The following DTNBP1 variants were observed in gnomAD, a reference collection of about 807,000 sequenced individuals.
DTNBP1 encodes dystrobrevin binding protein 1.
In DTNBP1, 35 loss-of-function variants were observed where a neutral mutation model predicts 42.8. The ratio of observed to expected loss-of-function variants is 0.82; its 90% CI spans 0.63 to 1.09. The LOEUF is 1.09. Ranked by LOEUF, DTNBP1 falls within the 50% of genes least tolerant of loss-of-function variation. The probability of loss-of-function intolerance (pLI) is 0.00; values close to 1 mark genes in which losing one functional copy is unlikely to be tolerated. For synonymous variants in DTNBP1, 171 were observed against 162.2 expected (o/e 1.05, Z -0.41); for missense variants, 457 against 424.2 (o/e 1.08, Z -0.68).
intron 3 of DTNBP1, among the ~76,000 whole-genome samples, chr6:15,640,118 T>C (rs1760257201): frequency 6.6e-6 from 1 of 152,324 alleles, no homozygotes; most frequent in East Asian, 1.9e-4. Flanking sequence ...TTTTACGACA[T>C]GAAGCAGTTT....
In DTNBP1 at chr6:15,533,323, C is replaced by CG; in HGVS notation, c.583dup (p.Arg195ProfsTer6). ...GAAGGCTTCCTCAAAAAACTTCTGC[C>CG]GCTCCTTCAGCTTCATTTGCTGGGT... On this transcript the variant is annotated frameshift_variant, in exon 8 of 10. Coordinates refer to ENST00000344537, the MANE Select transcript of DTNBP1 (RefSeq NM_032122.5). LOFTEE classifies it high-confidence loss of function. 1 of 1,614,196 alleles carries CG rather than the reference C, an allele frequency of 6.2e-7. No individual in the cohort carries two copies. Among genetic ancestry groups the CG allele is most frequent in the Non-Finnish European group, 8.5e-7 (1 of 1,180,046 alleles).
At chr6:15,595,240 T>C in intron 6 of DTNBP1, 1 of 423,404 alleles carries the variant, frequency 2.4e-6, no homozygotes, top group South Asian at 1.7e-5. Context: ...AAAAAATCAG[T>C]ATTATGCAAC....
chr6:15,602,241 A>C (rs913785959), intron 6 of DTNBP1, among the ~76,000 whole-genome samples: 1 of 152,114 alleles, frequency 6.6e-6, no homozygotes, highest in Non-Finnish European at 1.5e-5. Flanking sequence ...CATAGAAAAA[A>C]CGGGGCCAAC....
At chr6:15,646,489 C>T (rs554273504) in intron 3 of DTNBP1, among the ~76,000 whole-genome samples, 2 of 151,044 alleles carry the variant, frequency 1.3e-5, no homozygotes, top group Admixed American at 1.3e-4. Context: ...ATTACCAATG[C>T]CATTTTCCCC....
At chr6:15,593,795 C>T (rs927560748) in intron 6 of DTNBP1, among the ~76,000 whole-genome samples, 5 of 152,120 alleles carry the variant, frequency 3.3e-5, no homozygotes, top group African/African-American at 9.7e-5. Context: ...TCCTCATTAT[C>T]AGTACTAATG....
intron 6 of DTNBP1, among the ~76,000 whole-genome samples, chr6:15,609,299 T>G (rs1332449064): frequency 6.6e-6 from 1 of 152,022 alleles, no homozygotes. Flanking sequence ...TTCCCATATA[T>G]CTGAAGCTAC....
intron 1 of DTNBP1, chr6:15,660,289 C>A: frequency 8.2e-7 from 1 of 1,214,904 alleles, no homozygotes; most frequent in Non-Finnish European, 1.1e-6. Context: ...CTTTTCTCCT[C>A]AAGGCAAAAA....
rs538419324 is a variant in DTNBP1, at chr6:15,607,592, G to A, written c.488+7675C>T. Among the ~76,000 whole-genome samples, 6 of 152,230 alleles carry A rather than the reference G, an allele frequency of 3.9e-5. No individual in the cohort carries two copies. The South Asian group carries it at 6.2e-4, about 16-fold the overall frequency. ...CCTGGGATTATAGGTGTGAGCCACC[G>A]TGCCCAGCAAAACATTTCTTTACCA... is the stretch of plus-strand genomic sequence containing the variant. On this transcript the variant is annotated intron_variant, in intron 6 of 9. Coordinates refer to ENST00000344537, the MANE Select transcript of DTNBP1 (RefSeq NM_032122.5).
At chr6:15,650,229 G>GTGC (rs1760910048) in intron 3 of DTNBP1, among the ~76,000 whole-genome samples, 2 of 152,166 alleles carry the variant, frequency 1.3e-5, no homozygotes, top group Non-Finnish European at 2.9e-5. Flanking sequence ...ACATTAGTAA[G>GTGC]CACAGAAATA....
intron 7 of DTNBP1, among the ~76,000 whole-genome samples, chr6:15,573,864 G>A (rs1205388873): frequency 6.6e-6 from 1 of 151,984 alleles, no homozygotes; most frequent in Non-Finnish European, 1.5e-5. Context: ...CCACCACCAT[G>A]CCTGGCTAAT....
At chr6:15,648,285 A>T (rs1760797113) in intron 3 of DTNBP1, among the ~76,000 whole-genome samples, 1 of 152,098 alleles carries the variant, frequency 6.6e-6, no homozygotes. Context: ...CATTATACTC[A>T]ATGTTGAAAG....
At chr6:15,608,839 G>A (rs1006742753) in intron 6 of DTNBP1, among the ~76,000 whole-genome samples, 1 of 152,070 alleles carries the variant, frequency 6.6e-6, no homozygotes, top group African/African-American at 2.4e-5. Flanking sequence ...TTTTTTGAAG[G>A]CTTTTATGAT....
intron 9 of DTNBP1, chr6:15,523,804 C>A (rs1772122119): frequency 1.6e-6 from 2 of 1,287,198 alleles, no homozygotes; most frequent in Non-Finnish European, 2.0e-6. Flanking sequence ...TCCTTCTCTT[C>A]CCCAGGATGA....
chr6:15,659,703 C>T (rs2113833060), intron 1 of DTNBP1, among the ~76,000 whole-genome samples: 1 of 152,172 alleles, frequency 6.6e-6, no homozygotes, highest in Non-Finnish European at 1.5e-5. Context: ...CAGACGCACG[C>T]CACCATGGCC....
intron 3 of DTNBP1, among the ~76,000 whole-genome samples, chr6:15,644,335 A>T (rs1047473643): frequency 6.6e-6 from 1 of 152,182 alleles, no homozygotes; most frequent in Non-Finnish European, 1.5e-5. Flanking sequence ...ATAAAATAAC[A>T]GTGGGGGACT....
intron 6 of DTNBP1, among the ~76,000 whole-genome samples, chr6:15,598,397 C>T (rs1361770998): frequency 6.6e-6 from 1 of 152,196 alleles, no homozygotes; most frequent in East Asian, 1.9e-4. Flanking sequence ...CAAAATACCA[C>T]ATTCAAAACA....
intron 9 of DTNBP1, 56 bp downstream of exon 9, chr6:15,524,470 A>T (rs753808589): frequency 1.2e-6 from 2 of 1,613,460 alleles, no homozygotes; most frequent in South Asian, 2.2e-5. Flanking sequence ...TCACCTTTGG[A>T]GGGGAGTGGC....
chr6:15,542,996 G>A (rs4715982), intron 7 of DTNBP1, among the ~76,000 whole-genome samples: 67,705 of 151,914 alleles, frequency 0.45, 15,924 homozygotes, highest in East Asian at 0.62. Context: ...CACCGTGCCC[G>A]GCCTATCTGC....
intron 7 of DTNBP1, among the ~76,000 whole-genome samples, chr6:15,573,949 C>T (rs1775451677): frequency 6.6e-6 from 1 of 152,170 alleles, no homozygotes; most frequent in South Asian, 2.1e-4. Flanking sequence ...TCGTGATCCA[C>T]CCACCTCGGC....
Sources: gnomAD v4.1 joint callset for allele counts (sites outside exome capture counted in the v4.1 genomes callset) on GRCh38, gnomAD v4.1.1 for gene constraint, MANE v1.5 for transcripts, NCBI Gene and HGNC (gene_info 2026-07-23, HGNC 2026-07-21) for gene names.